DEPDC5: variants seen among roughly 807,000 people sequenced by gnomAD.
DEPDC5 encodes DEP domain containing 5, GATOR1 subcomplex subunit.
DEPDC5 carries 73 observed loss-of-function variants against 217.3 expected under a neutral mutation model. The observed-to-expected ratio is 0.34, with a 90% CI of 0.28 to 0.41. The LOEUF is 0.41. Ranked by LOEUF, DEPDC5 falls within the 10% of genes least tolerant of loss-of-function variation. DEPDC5 has a pLI of 1.00. For missense variants in DEPDC5, 1,675 were observed against 2,070.1 expected, an observed-to-expected ratio of 0.81 and a Z score of 3.70; for synonymous variants, 733 against 756.7, an observed-to-expected ratio of 0.97 and a Z score of 0.51.
chr22:31,888,181 G>A (rs1351754381), intron 38 of DEPDC5, among the ~76,000 whole-genome samples: 1 of 149,598 alleles, frequency 6.7e-6, no homozygotes, highest in African/African-American at 2.5e-5. Flanking sequence ...AGAAGCAGCA[G>A]CCCTGCAGCT....
chr22:31,822,615 A>AC, intron 23 of DEPDC5, 78 bp from the exon 24 acceptor site: 1 of 1,405,858 alleles, frequency 7.1e-7, no homozygotes, highest in South Asian at 1.2e-5. Flanking sequence ...CCTACCTCCC[A>AC]CCCCCGGGAT....
intron 27 of DEPDC5, among the ~76,000 whole-genome samples, chr22:31,842,341 C>T (rs943682758): frequency 4.6e-5 from 7 of 151,964 alleles, no homozygotes; most frequent in African/African-American, 7.3e-5. Flanking sequence ...TTCGGGAGGC[C>T]GAGGCGAGTG....
At position 31,855,568 on chromosome 22, in the gene DEPDC5, C is replaced by A. The variant is rs188091471; in HGVS notation, c.3156-1877C>A. On this transcript the variant is annotated intron_variant, in intron 31 of 42. Coordinates refer to ENST00000651528, the MANE Select transcript of DEPDC5 (RefSeq NM_001242896.3). ...ATTTTTTTTGTATTTTTAGTAGAGA[C>A]GGGGTTTCACTGTGTTAGCCAGGAT... 3.6e-3 allele frequency among the ~76,000 whole-genome samples: 545 copies of A among 151,656 alleles called. 3 individuals are homozygous for A. The highest frequency in any genetic ancestry group is 0.013 in the African/African-American group (517 of 41,338).
chr22:31,859,521 A>G (rs2092437975), intron 32 of DEPDC5, among the ~76,000 whole-genome samples: 1 of 151,460 alleles, frequency 6.6e-6, no homozygotes, highest in South Asian at 2.1e-4. Context: ...CCTCCCCAGT[A>G]GCTGGGATTA....
At chr22:31,796,261 C>T (rs186578994) in intron 12 of DEPDC5, among the ~76,000 whole-genome samples, 13 of 151,932 alleles carry the variant, frequency 8.6e-5, no homozygotes, top group Admixed American at 2.0e-4. Context: ...CCACCACACC[C>T]GGCTAATTTT....
chr22:31,756,939 T>TAA (rs200790162), intron 2 of DEPDC5, among the ~76,000 whole-genome samples: 1 of 143,634 alleles, frequency 7.0e-6, no homozygotes, highest in Non-Finnish European at 1.5e-5. Flanking sequence ...TAAAAAATAA[T>TAA]AAAAAAAAAA....
intron 15 of DEPDC5, 132 bp downstream of exon 15, chr22:31,802,970 A>T: frequency 8.1e-7 from 1 of 1,228,124 alleles, no homozygotes; most frequent in South Asian, 2.4e-5. Context: ...ACGTCTGTGG[A>T]TGTCAATAGG....
intron 40 of DEPDC5, among the ~76,000 whole-genome samples, chr22:31,900,010 C>T (rs868322891): frequency 2.4e-4 from 36 of 152,116 alleles, no homozygotes; most frequent in African/African-American, 8.2e-4. Flanking sequence ...TGCTCTCCTC[C>T]CCAGCTGATT....
intron 37 of DEPDC5, among the ~76,000 whole-genome samples, chr22:31,878,457 G>A (rs1157162601): frequency 2.0e-5 from 3 of 151,640 alleles, no homozygotes; most frequent in Admixed American, 6.6e-5. Flanking sequence ...TAATCCCAGC[G>A]CCTTGGAAGG....
At position 31,815,092 on chromosome 22, in the gene DEPDC5, G is replaced by A. The variant is rs760196166; in HGVS notation, c.1546G>A (p.Val516Met). ...LPSRTLPTEE[V>M]RSQASDDSSL... ...AAGCCGCACACTGCCCACTGAGGAA[G>A]TGAGGAGCCAGGCTTCTGACGACAG... Residue 516 changes from valine to methionine, a missense_variant, in exon 21 of 43, where the codon GTG becomes ATG. Transcript: ENST00000651528. 1.2e-6 allele frequency: 2 copies of A among 1,614,240 alleles called. No homozygotes were observed. The highest frequency in any genetic ancestry group is 1.3e-5 in the African/African-American group (1 of 75,066).
intron 38 of DEPDC5, among the ~76,000 whole-genome samples, chr22:31,881,360 T>A (rs2093171263): frequency 6.6e-6 from 1 of 151,884 alleles, no homozygotes; most frequent in Non-Finnish European, 1.5e-5. Context: ...ACTCCAGCAT[T>A]GCCTGTTGCT....
rs891512809 is a variant in DEPDC5 at position 31,819,302 on chromosome 22, C to T, written c.1870+77C>T. ...TCCTCAGTGTCGGTCACCCATGTGT[C>T]CTTGGTCAGGTGCCTCTGTTGCTCC... On this transcript the variant is annotated intron_variant, in intron 22 of 42. Coordinates refer to ENST00000651528, the MANE Select transcript of DEPDC5 (RefSeq NM_001242896.3). 3.0e-5 allele frequency: 46 copies of T among 1,514,890 alleles called. No individual in the cohort carries two copies. The African/African-American group carries it at 5.6e-4, about 18-fold the overall frequency. The allele number at this position is 1,514,890 out of a possible 1,614,324, so 93.8% of individuals were successfully genotyped here.
chr22:31,754,948 C>T lies in DEPDC5; in HGVS notation c.27C>T (p.Leu9=), dbSNP rs778731999. ...TGAGAACAACAAAGGTCTACAAACT[C>T]GTCATCCACAAGAAGGGCTTTGGGG... MRTTKVYK[L]VIHKKGFGGS... The change falls in exon 2 of 43, where the codon CTC becomes CTT. Residue 9 remains leucine, a synonymous_variant. Transcript: ENST00000651528. 6.2e-7 allele frequency: 1 copy of T among 1,614,188 alleles called. No individual in the cohort carries two copies. Among genetic ancestry groups the T allele is most frequent in the African/African-American group, 1.3e-5 (1 of 75,046 alleles).
intron 39 of DEPDC5, 176 bp downstream of exon 39, chr22:31,893,927 C>A: frequency 1.4e-6 from 1 of 728,452 alleles, no homozygotes; most frequent in Non-Finnish European, 2.0e-6. Flanking sequence ...TTTAAGCAAT[C>A]AAAAAAGGTA....
chr22:31,816,056 T>G (rs1031012833), intron 21 of DEPDC5: 6 of 982,066 alleles, frequency 6.1e-6, no homozygotes, highest in Non-Finnish European at 7.3e-6. Context: ...TTCCAGCACT[T>G]TGGGAGGCCA....
chr22:31,758,380 T>C (rs2082108663), intron 2 of DEPDC5, 166 bp from the exon 3 acceptor site: 2 of 632,192 alleles, frequency 3.2e-6, no homozygotes, highest in Non-Finnish European at 2.9e-6. Flanking sequence ...TAGCTTGGTG[T>C]TCCTGTGTGA....
At chr22:31,804,637 A>G (rs1163843981) in intron 16 of DEPDC5, among the ~76,000 whole-genome samples, 1 of 152,134 alleles carries the variant, frequency 6.6e-6, no homozygotes, top group Non-Finnish European at 1.5e-5. Context: ...ACGGGGTTTC[A>G]CCATGTTGGC....
intron 26 of DEPDC5, chr22:31,837,393 C>G (rs539035483): frequency 9.1e-5 from 50 of 552,298 alleles, no homozygotes; most frequent in Admixed American, 6.8e-5. Flanking sequence ...CTCTGTCGCT[C>G]GGGTTGGAGT....
chr22:31,848,660 G>T (rs2091874867), intron 31 of DEPDC5, among the ~76,000 whole-genome samples: 1 of 152,180 alleles, frequency 6.6e-6, no homozygotes, highest in Admixed American at 6.5e-5. Flanking sequence ...CTGCATGAAG[G>T]TCTCTGACAT....
Sources: allele counts gnomAD v4.1 joint callset (sites outside exome capture counted in the v4.1 genomes callset), GRCh38; gene constraint gnomAD v4.1.1; transcripts MANE v1.5; gene names NCBI Gene and HGNC (gene_info 2026-07-23, HGNC 2026-07-21).